CDH20: variants seen among roughly 807,000 people sequenced by gnomAD.
The protein encoded by CDH20 is cadherin 20, also known as cadherin-20.
A neutral mutation model predicts 74.2 loss-of-function variants in CDH20; 29 were observed. That is an observed-to-expected ratio of 0.39 (90% confidence interval 0.29 to 0.53). CDH20 has a LOEUF of 0.53. Ranked by LOEUF, CDH20 falls within the 20% of genes least tolerant of loss-of-function variation. CDH20 has a pLI of 0.69. For synonymous variants in CDH20, 469 were observed against 405.4 expected (o/e 1.16, Z -1.88); for missense variants, 988 against 1,048.3 (o/e 0.94, Z 0.79).
chr18:61,435,816 T>A (rs1236433056), intron 1 of CDH20, among the ~76,000 whole-genome samples: 1 of 151,896 alleles, frequency 6.6e-6, no homozygotes, highest in African/African-American at 2.4e-5. Context: ...AAGTGCAAAT[T>A]CAATGTTTTT....
intron 7 of CDH20, among the ~76,000 whole-genome samples, chr18:61,532,551 T>C (rs202123808): frequency 4.8e-5 from 1 of 20,922 alleles, no homozygotes; most frequent in African/African-American, 1.2e-4. Context: ...TATATATATA[T>C]ATATACACAC....
chr18:61,538,592 G>A (rs7238653), intron 8 of CDH20, among the ~76,000 whole-genome samples: 1 of 52,890 alleles, frequency 1.9e-5, no homozygotes, highest in East Asian at 6.8e-4. Flanking sequence ...TTGTTTGTTT[G>A]TTTGTTTTTG....
At chr18:61,408,930 A>G (rs1330337739) in intron 1 of CDH20, among the ~76,000 whole-genome samples, 1 of 152,234 alleles carries the variant, frequency 6.6e-6, no homozygotes, top group Non-Finnish European at 1.5e-5. Flanking sequence ...AAAAAATGAC[A>G]GACCAGACCT....
intron 1 of CDH20, among the ~76,000 whole-genome samples, chr18:61,393,235 T>C (rs185448718): frequency 6.6e-6 from 1 of 152,324 alleles, no homozygotes; most frequent in Admixed American, 6.5e-5. Context: ...CTTCATCTTC[T>C]TTCTCTTTTC....
rs1186319657 is a variant in CDH20, at chr18:61,528,058, T to A, written c.1109T>A (p.Phe370Tyr). The A allele has an allele frequency of 1.2e-6, 2 of 1,613,980 alleles. No individual in the cohort carries two copies. The highest frequency in any genetic ancestry group is 1.7e-6 in the Non-Finnish European group (2 of 1,180,008). ...ATGCGTTTTCTGAACTTGGGCCCAT[T>A]TCAGGACACAACAACAGTGCACATC... is the stretch of plus-strand genomic sequence containing the variant. ...LEMRFLNLGP[F>Y]QDTTTVHISV... Residue 370 changes from phenylalanine (F) to tyrosine (Y), a missense_variant, in exon 7 of 12, where the codon TTT becomes TAT. Transcript: ENST00000262717.
Position 61,545,101 on chromosome 18 carries a change from T to C in CDH20, c.1605T>C (p.Pro535=), listed in dbSNP as rs572813454. The change falls in exon 10 of 12, where the codon CCT becomes CCC. Residue 535 remains proline, a synonymous_variant. Coordinates refer to ENST00000262717, the MANE Select transcript of CDH20 (RefSeq NM_031891.4). ...AGCATTTCTACTACAGCTTGGCTCC[T>C]GAGGCTGCTAACAACCCCAACTTTA... The part of the protein sequence containing the change: ...NGQHFYYSLA[P]EAANNPNFTI... The C allele has an allele frequency of 1.8e-4, 284 of 1,613,880 alleles. 3 individuals carry two copies. In the South Asian group the frequency reaches 2.9e-3, roughly 17 times the overall value.
At chr18:61,411,155 G>A (rs918676679) in intron 1 of CDH20, among the ~76,000 whole-genome samples, 3 of 150,850 alleles carry the variant, frequency 2.0e-5, no homozygotes, top group African/African-American at 7.3e-5. Context: ...GCCGAGATAC[G>A]CCACTGCACT....
At chr18:61,336,392 G>A (rs1467368985) in intron 1 of CDH20, among the ~76,000 whole-genome samples, 1 of 152,154 alleles carries the variant, frequency 6.6e-6, no homozygotes, top group African/African-American at 2.4e-5. Flanking sequence ...CCATCTCCAA[G>A]AGACTCAGAT....
chr18:61,411,685 A>G (rs1437543766), intron 1 of CDH20, among the ~76,000 whole-genome samples: 1 of 152,074 alleles, frequency 6.6e-6, no homozygotes, highest in Non-Finnish European at 1.5e-5. Flanking sequence ...GCCATTAAAA[A>G]GGAATGAGTT....
At chr18:61,431,847 C>T (rs961830156) in intron 1 of CDH20, among the ~76,000 whole-genome samples, 9 of 152,066 alleles carry the variant, frequency 5.9e-5, no homozygotes, top group Admixed American at 1.3e-4. Flanking sequence ...TATCTGGCCA[C>T]GTGGGTAATC....
intron 1 of CDH20, among the ~76,000 whole-genome samples, chr18:61,366,672 A>T (rs1910872558): frequency 6.6e-6 from 1 of 152,194 alleles, no homozygotes; most frequent in African/African-American, 2.4e-5. Context: ...TTGTTATACA[A>T]ATTAGTCTAG....
chr18:61,549,806 G>C (rs1429490484), intron 10 of CDH20, 172 bp from the exon 11 acceptor site: 9 of 655,512 alleles, frequency 1.4e-5, no homozygotes, highest in Middle Eastern at 4.1e-4. Context: ...AAAAAGCATG[G>C]TTTCTGAATC....
chr18:61,541,853 C>T (rs866687979), intron 9 of CDH20, among the ~76,000 whole-genome samples: 14 of 152,222 alleles, frequency 9.2e-5, no homozygotes, highest in East Asian at 1.9e-4. Context: ...TGGACAAGGG[C>T]GGAATGAAAC....
chr18:61,341,655 G>A (rs1909954685), intron 1 of CDH20, among the ~76,000 whole-genome samples: 3 of 152,166 alleles, frequency 2.0e-5, no homozygotes, highest in Non-Finnish European at 4.4e-5. Context: ...CACCACACTT[G>A]AGAGCATGTG....
chr18:61,540,704 T>C (rs1413967971), intron 9 of CDH20, among the ~76,000 whole-genome samples: 1 of 152,134 alleles, frequency 6.6e-6, no homozygotes, highest in African/African-American at 2.4e-5. Flanking sequence ...AGCCAAACCA[T>C]ATCACTTCAC....
At chr18:61,404,093 G>T (rs1048995554) in intron 1 of CDH20, among the ~76,000 whole-genome samples, 1 of 152,192 alleles carries the variant, frequency 6.6e-6, no homozygotes, top group Non-Finnish European at 1.5e-5. Flanking sequence ...GGCAAGGAGA[G>T]CATCAGGATA....
intron 1 of CDH20, among the ~76,000 whole-genome samples, chr18:61,472,090 G>A (rs962179074): frequency 1.3e-5 from 2 of 152,040 alleles, no homozygotes; most frequent in Non-Finnish European, 2.9e-5. Context: ...GGCCTCAAAT[G>A]TTCAGGGCCA....
In CDH20 at chr18:61,555,499, G is replaced by A. The variant is rs953661869; in HGVS notation, c.*804G>A. The A allele has an allele frequency of 2.0e-6, 2 of 985,296 alleles. No individual in the cohort carries two copies. Among genetic ancestry groups the A allele is most frequent in the Non-Finnish European group, 2.4e-6 (2 of 829,940 alleles). 61.0% of individuals were successfully genotyped at this position (985,296 alleles called of 1,614,324 possible). A position where few individuals can be genotyped will look rare whatever the true frequency, so the allele number is the denominator to read the frequency against. On this transcript the variant is annotated 3_prime_UTR_variant, in exon 12 of 12. Coordinates refer to ENST00000262717, the MANE Select transcript of CDH20 (RefSeq NM_031891.4). ...TAGATGTCTCTTCCATGTGCCAAAT[G>A]TGGAGATTAGATGCTACAAATGAAA...
intron 1 of CDH20, among the ~76,000 whole-genome samples, chr18:61,343,715 A>G (rs1376405298): frequency 6.6e-6 from 1 of 152,230 alleles, no homozygotes; most frequent in Non-Finnish European, 1.5e-5. Flanking sequence ...TGACACAGAA[A>G]AGACTTAGAG....
Sources: allele counts gnomAD v4.1 joint callset (sites outside exome capture counted in the v4.1 genomes callset), GRCh38; gene constraint gnomAD v4.1.1; transcripts MANE v1.5; gene names NCBI Gene and HGNC (gene_info 2026-07-23, HGNC 2026-07-21).